Variants in AEBP2 observed in about 807,000 individuals in gnomAD.
AEBP2 encodes AE binding protein 2, also known as zinc finger protein AEBP2.
AEBP2 carries 10 observed loss-of-function variants against 50.8 expected under a neutral mutation model. That is an observed-to-expected ratio of 0.20 (90% CI 0.12 to 0.33). AEBP2 has a LOEUF of 0.33. AEBP2 is among the 10% of genes least tolerant of loss of function. AEBP2 has a pLI of 1.00. For synonymous variants in AEBP2, 296 were observed against 261.3 expected (o/e 1.13, Z -1.28); for missense variants, 570 against 688.0 (o/e 0.83, Z 1.92).
chr12:19,518,063 G>C, intron 7 of AEBP2, 24 bp from the exon 8 acceptor site: 1 of 1,586,616 alleles, frequency 6.3e-7, no homozygotes, highest in Middle Eastern at 1.7e-4. Context: ...TTGAATAAAA[G>C]GATTTCTTTT....
chr12:19,422,321 T>G (rs2095746239), intron 1 of AEBP2, among the ~76,000 whole-genome samples: 1 of 151,978 alleles, frequency 6.6e-6, no homozygotes, highest in Non-Finnish European at 1.5e-5. Flanking sequence ...CGAAAGGAAG[T>G]TAGTTATTAT....
intron 7 of AEBP2, among the ~76,000 whole-genome samples, chr12:19,517,637 G>A (rs1397899568): frequency 6.6e-6 from 1 of 152,172 alleles, no homozygotes; most frequent in Non-Finnish European, 1.5e-5. Flanking sequence ...TGTGCATGCC[G>A]AGAGACAACT....
intron 5 of AEBP2, among the ~76,000 whole-genome samples, chr12:19,511,697 T>C (rs1430032473): frequency 1.3e-5 from 2 of 152,276 alleles, no homozygotes; most frequent in East Asian, 3.9e-4. Flanking sequence ...TCCTAGATCT[T>C]AGTGTTGGAA....
chr12:19,419,158 C>A (rs1365373784), intron 1 of AEBP2: 1 of 154,690 alleles, frequency 6.5e-6, no homozygotes, highest in Non-Finnish European at 1.5e-5. Flanking sequence ...CCATACCCAG[C>A]CATCATGCCT....
At chr12:19,425,459 G>A (rs1326585314) in intron 1 of AEBP2, among the ~76,000 whole-genome samples, 1 of 152,110 alleles carries the variant, frequency 6.6e-6, no homozygotes, top group Admixed American at 6.6e-5. Flanking sequence ...GGGAGGCCGA[G>A]CTGGGTGGAT....
intron 1 of AEBP2, among the ~76,000 whole-genome samples, chr12:19,410,019 C>T (rs16915467): frequency 0.047 from 7,214 of 152,152 alleles, 365 homozygotes; most frequent in Admixed American, 0.14. Context: ...CAACCCATAG[C>T]TTTTTTGTGT....
At chr12:19,440,511 T>A in intron 1 of AEBP2, 141 bp downstream of exon 1, 1 of 1,387,712 alleles carries the variant, frequency 7.2e-7, no homozygotes, top group Non-Finnish European at 9.4e-7. Flanking sequence ...AACTCGGAAA[T>A]CTCTCGCCGT....
At chr12:19,456,810 C>G in intron 1 of AEBP2, 2 of 1,560,898 alleles carry the variant, frequency 1.3e-6, no homozygotes, top group South Asian at 2.2e-5. Context: ...GACCACCATA[C>G]CAGGTTTGAG....
At chr12:19,507,954 A>T (rs1027562749) in intron 5 of AEBP2, among the ~76,000 whole-genome samples, 1 of 152,224 alleles carries the variant, frequency 6.6e-6, no homozygotes, top group Non-Finnish European at 1.5e-5. Context: ...GAGGTACTAT[A>T]CTGTTTGGTT....
chr12:19,445,134 T>C (rs1948037128), intron 1 of AEBP2, among the ~76,000 whole-genome samples: 1 of 152,184 alleles, frequency 6.6e-6, no homozygotes, highest in Non-Finnish European at 1.5e-5. Context: ...TGGTACACGT[T>C]CATTAAGTGT....
At chr12:19,506,876 T>G (rs1949161962) in intron 5 of AEBP2, among the ~76,000 whole-genome samples, 1 of 152,040 alleles carries the variant, frequency 6.6e-6, no homozygotes, top group Non-Finnish European at 1.5e-5. Flanking sequence ...GAATAAGAGG[T>G]AACAGCAACT....
chr12:19,450,617 C>T (rs1023851158), intron 1 of AEBP2, among the ~76,000 whole-genome samples: 2 of 143,600 alleles, frequency 1.4e-5, no homozygotes, highest in Admixed American at 7.2e-5. Flanking sequence ...ATAGCTTCAA[C>T]CCAGGAGTTT....
intron 5 of AEBP2, among the ~76,000 whole-genome samples, chr12:19,502,349 G>T (rs1949094358): frequency 6.6e-6 from 1 of 152,124 alleles, no homozygotes; most frequent in Admixed American, 6.5e-5. Context: ...GGCCAGGCTG[G>T]TATTGAACTC....
chr12:19,405,378 T>G (rs991141223), intron 1 of AEBP2, among the ~76,000 whole-genome samples: 4 of 151,906 alleles, frequency 2.6e-5, no homozygotes, highest in Non-Finnish European at 4.4e-5. Flanking sequence ...CAGGCTGGAG[T>G]GCAGTGGCGC....
intron 5 of AEBP2, among the ~76,000 whole-genome samples, chr12:19,503,546 C>G (rs1210908171): frequency 6.6e-6 from 1 of 151,990 alleles, no homozygotes; most frequent in Non-Finnish European, 1.5e-5. Flanking sequence ...ATCATATTGG[C>G]AGTGAAGAAA....
At chr12:19,508,064 G>A (rs1293651607) in intron 5 of AEBP2, among the ~76,000 whole-genome samples, 1 of 152,058 alleles carries the variant, frequency 6.6e-6, no homozygotes. Context: ...GGCTTGCTGT[G>A]CTTGGTTGGC....
chr12:19,488,748 C>T (rs1246573903), intron 3 of AEBP2, among the ~76,000 whole-genome samples: 1 of 152,042 alleles, frequency 6.6e-6, no homozygotes, highest in Non-Finnish European at 1.5e-5. Context: ...AAAACCAGTT[C>T]AGTAATTCTG....
intron 1 of AEBP2, among the ~76,000 whole-genome samples, chr12:19,461,572 C>G (rs772402577): frequency 3.3e-5 from 5 of 151,948 alleles, no homozygotes; most frequent in Non-Finnish European, 5.9e-5. Flanking sequence ...TGCAATGGTG[C>G]GATCTCGGCT....
chr12:19,494,650 G>A (rs1948943999), intron 4 of AEBP2, among the ~76,000 whole-genome samples: 2 of 151,904 alleles, frequency 1.3e-5, no homozygotes, highest in South Asian at 4.2e-4. Flanking sequence ...AAAATGCTGG[G>A]ATTACAGGTG....
Sources: allele counts gnomAD v4.1 joint callset (sites outside exome capture counted in the v4.1 genomes callset), GRCh38; gene constraint gnomAD v4.1.1; transcripts MANE v1.5; gene names NCBI Gene and HGNC (gene_info 2026-07-23, HGNC 2026-07-21).